The following KCNJ15 variants were observed in gnomAD, a reference collection of about 807,000 sequenced individuals.
KCNJ15 encodes ATP-sensitive inward rectifier potassium channel 15.
A neutral mutation model predicts 23.0 loss-of-function variants in KCNJ15; 14 were observed. That is an observed-to-expected ratio of 0.61 (90% CI 0.40 to 0.95). The LOEUF is 0.95. Among genes scored for constraint, KCNJ15 ranks in the 40% least tolerant of loss-of-function variants. The pLI is 0.00. For synonymous variants in KCNJ15, 185 were observed against 183.2 expected (o/e 1.01, Z -0.08); for missense variants, 388 against 461.8 (o/e 0.84, Z 1.46).
At chr21:38,260,312 A>G (rs917148824) in intron 1 of KCNJ15, among the ~76,000 whole-genome samples, 1 of 152,220 alleles carries the variant, frequency 6.6e-6, no homozygotes, top group African/African-American at 2.4e-5. Flanking sequence ...ACTCATCGTA[A>G]TGCAGCTGGA....
At chr21:38,272,935 T>C (rs1640837284) in intron 1 of KCNJ15, among the ~76,000 whole-genome samples, 1 of 152,158 alleles carries the variant, frequency 6.6e-6, no homozygotes, top group Non-Finnish European at 1.5e-5. Context: ...TAAAATGTAG[T>C]TGGTTATGCC....
At chr21:38,258,791 G>C (rs1384995787) in intron 1 of KCNJ15, among the ~76,000 whole-genome samples, 1 of 152,158 alleles carries the variant, frequency 6.6e-6, no homozygotes, top group Non-Finnish European at 1.5e-5. Context: ...TTTACAGAAA[G>C]TCTTATTTCC....
In KCNJ15 at chr21:38,299,239, C is replaced by G; in HGVS notation, c.-18-5C>G. ...ATAATGAAACATCTTTGTCATTTCT[C>G]TAAGTGTTTCCAGAGCCTGGCAATG... On this transcript the variant is annotated splice_polypyrimidine_tract_variant and splice_region_variant and intron_variant, in intron 2 of 2. Coordinates refer to ENST00000398938, the MANE Select transcript of KCNJ15 (RefSeq NM_170736.3). The surrounding 1 kb of genome is among the most constrained non-coding windows in gnomAD (Gnocchi z 4.5). The G allele has an allele frequency of 6.3e-7, 1 of 1,591,790 alleles. No homozygotes were observed. Among genetic ancestry groups the G allele is most frequent in the Non-Finnish European group, 8.6e-7 (1 of 1,167,488 alleles).
At chr21:38,231,751 A>G (rs1988752505) in intron 1 of KCNJ15, among the ~76,000 whole-genome samples, 1 of 151,724 alleles carries the variant, frequency 6.6e-6, no homozygotes, top group African/African-American at 2.4e-5. Flanking sequence ...TTCTATTGAT[A>G]TGGGGCATTA....
At chr21:38,275,219 TCTC>T (rs1294580492) in intron 1 of KCNJ15, among the ~76,000 whole-genome samples, 2 of 152,142 alleles carry the variant, frequency 1.3e-5, no homozygotes, top group African/African-American at 4.8e-5. Context: ...TCCTAAATGA[TCTC>T]CTTCTAGCTG....
intron 1 of KCNJ15, among the ~76,000 whole-genome samples, chr21:38,243,103 G>T (rs928332811): frequency 1.3e-5 from 2 of 151,900 alleles, no homozygotes; most frequent in African/African-American, 4.8e-5. Context: ...CTGAGATTTG[G>T]GCCACGTTTT....
chr21:38,299,788 A>G lies in KCNJ15; in HGVS notation c.527A>G (p.Glu176Gly). The change falls in exon 3 of 3, where the codon GAG becomes GGG. Residue 176 changes from glutamate to glycine, a missense_variant. Coordinates refer to ENST00000398938, the MANE Select transcript of KCNJ15 (RefSeq NM_170736.3). The surrounding 1 kb of genome is among the most constrained non-coding windows in gnomAD (Gnocchi z 4.5). ...AKIARPKKRAETIKFSHCAVI... is the reference protein window; with the variant it reads ...AKIARPKKRAGTIKFSHCAVI... The stretch of plus-strand genomic sequence containing the variant: ...ATCGCCAGACCCAAAAAGCGGGCTG[A>G]GACCATCAAGTTCAGCCACTGTGCA... The G allele has an allele frequency of 6.2e-7, 1 of 1,614,146 alleles. No homozygotes were observed. The highest frequency in any genetic ancestry group is 8.5e-7 in the Non-Finnish European group (1 of 1,180,024).
At chr21:38,247,550 A>C (rs1038491444) in intron 1 of KCNJ15, among the ~76,000 whole-genome samples, 1 of 151,866 alleles carries the variant, frequency 6.6e-6, no homozygotes, top group Non-Finnish European at 1.5e-5. Flanking sequence ...GGATGGATGG[A>C]TGGATGGATG....
intron 1 of KCNJ15, among the ~76,000 whole-genome samples, chr21:38,242,801 T>G (rs1979101171): frequency 6.6e-6 from 1 of 152,158 alleles, no homozygotes; most frequent in South Asian, 2.1e-4. Flanking sequence ...TTACACAAAC[T>G]ATTTGTATGC....
chr21:38,262,285 T>C (rs1233252740), intron 1 of KCNJ15, among the ~76,000 whole-genome samples: 1 of 152,208 alleles, frequency 6.6e-6, no homozygotes, highest in Non-Finnish European at 1.5e-5. Context: ...TAATGAATCC[T>C]GGAGCACCTG....
intron 1 of KCNJ15, among the ~76,000 whole-genome samples, chr21:38,286,712 C>T (rs184515689): frequency 1.1e-4 from 17 of 152,268 alleles, no homozygotes; most frequent in African/African-American, 4.1e-4. Context: ...GAAACTTCAT[C>T]CACAGTCAGA....
upstream of KCNJ15, among the ~76,000 whole-genome samples, chr21:38,254,600 C>CAT (rs1268789715): frequency 1.3e-5 from 2 of 152,070 alleles, no homozygotes; most frequent in African/African-American, 4.8e-5. Context: ...GCTACATATG[C>CAT]ATATGTATGC....
chr21:38,279,550 G>T (rs1465373338), intron 1 of KCNJ15, among the ~76,000 whole-genome samples: 1 of 152,150 alleles, frequency 6.6e-6, no homozygotes, highest in African/African-American at 2.4e-5. Context: ...AAATATCAAG[G>T]AAGATAAGGA....
intron 1 of KCNJ15, among the ~76,000 whole-genome samples, chr21:38,236,930 G>C (rs1025149667): frequency 3.3e-5 from 5 of 152,146 alleles, no homozygotes; most frequent in Non-Finnish European, 1.5e-5. Context: ...CTGACTGAAG[G>C]GTCCAGAAGC....
chr21:38,274,343 A>G (rs1982424748), intron 1 of KCNJ15, among the ~76,000 whole-genome samples: 1 of 152,162 alleles, frequency 6.6e-6, no homozygotes, highest in Non-Finnish European at 1.5e-5. Flanking sequence ...GTGCCATACC[A>G]TCATCCCCTT....
chr21:38,284,311 T>C, intron 1 of KCNJ15, among the ~76,000 whole-genome samples: 1 of 152,130 alleles, frequency 6.6e-6, no homozygotes, highest in East Asian at 1.9e-4. Context: ...ATCAGTAAGA[T>C]AGCCTCCGCC....
intron 1 of KCNJ15, among the ~76,000 whole-genome samples, chr21:38,286,484 A>G (rs1983928801): frequency 1.3e-5 from 2 of 152,220 alleles, no homozygotes; most frequent in Admixed American, 1.3e-4. Flanking sequence ...TGTAATGTTC[A>G]TTACTAACAT....
intron 1 of KCNJ15, chr21:38,272,422 C>G (rs1982204459): frequency 6.6e-6 from 1 of 152,306 alleles, no homozygotes; most frequent in Non-Finnish European, 1.5e-5. Context: ...GCTCAGCCAG[C>G]ACAGGAGCAC....
intron 1 of KCNJ15, among the ~76,000 whole-genome samples, chr21:38,249,454 G>T (rs148473696): frequency 6.6e-6 from 1 of 152,320 alleles, no homozygotes; most frequent in East Asian, 1.9e-4. Flanking sequence ...CTGAGTTAGG[G>T]TGACCACAAT....
Sources: allele counts gnomAD v4.1 joint callset (sites outside exome capture counted in the v4.1 genomes callset), GRCh38; gene constraint gnomAD v4.1.1; non-coding constraint Gnocchi (gnomAD v3.1); transcripts MANE v1.5; gene names NCBI Gene and HGNC (gene_info 2026-07-23, HGNC 2026-07-21).